The following MARK3 variants were observed in gnomAD, a reference collection of about 807,000 sequenced individuals.
The protein encoded by MARK3 is MAP/microtubule affinity-regulating kinase 3.
In MARK3, 46 loss-of-function variants were observed where a neutral mutation model predicts 90.1. That is an observed-to-expected ratio of 0.51 (90% CI 0.40 to 0.65). The LOEUF is 0.65. Ranked by LOEUF, MARK3 falls within the 30% of genes least tolerant of loss-of-function variation. The probability of loss-of-function intolerance (pLI) is 0.00; values close to 1 mark genes in which losing one functional copy is unlikely to be tolerated. For synonymous variants in MARK3, 321 were observed against 332.6 expected (o/e 0.97, Z 0.38); for missense variants, 818 against 947.2 (o/e 0.86, Z 1.79).
At chr14:103,478,004 A>AAAAAC (rs1406662983) in intron 13 of MARK3, among the ~76,000 whole-genome samples, 5 of 150,346 alleles carry the variant, frequency 3.3e-5, no homozygotes, top group Non-Finnish European at 7.4e-5. Flanking sequence ...GTCCTTAAAA[A>AAAAAC]AAAAAAAAGT....
chr14:103,446,523 AAAAT>A lies in MARK3; in HGVS notation c.298-2384_298-2381del, dbSNP rs532978442. ...GGCATCAGAGTAAGACTCCGTCTCA[AAAAT>A]AAATAAATAAACAAACAGTATGTTC... On this transcript the variant is annotated intron_variant, in intron 3 of 17. Transcript: ENST00000429436. Among the ~76,000 whole-genome samples, 28 of 152,188 alleles carry A rather than the reference AAAAT, an allele frequency of 1.8e-4. 1 individual carries two copies. In the South Asian group the frequency reaches 4.1e-3, roughly 23 times the overall value.
intron 16 of MARK3, 189 bp downstream of exon 16, chr14:103,498,717 G>T: frequency 2.4e-6 from 1 of 414,026 alleles, no homozygotes. Flanking sequence ...ATTTTAAAGG[G>T]ACTATGGTAC....
intron 1 of MARK3, among the ~76,000 whole-genome samples, chr14:103,402,275 G>A (rs766962119): frequency 2.0e-5 from 3 of 152,104 alleles, no homozygotes; most frequent in African/African-American, 4.8e-5. Flanking sequence ...TTTCCTGGCC[G>A]AGCGCGGTGG....
intron 12 of MARK3, among the ~76,000 whole-genome samples, chr14:103,470,551 G>A (rs1191558991): frequency 7.4e-6 from 1 of 135,630 alleles, no homozygotes; most frequent in Non-Finnish European, 1.5e-5. Flanking sequence ...CGCCTCCTGG[G>A]TTCTAGCAAT....
At chr14:103,416,025 G>A (rs1156274979) in intron 2 of MARK3, among the ~76,000 whole-genome samples, 1 of 152,098 alleles carries the variant, frequency 6.6e-6, no homozygotes, top group Non-Finnish European at 1.5e-5. Flanking sequence ...AATTACGACT[G>A]TGTAAGTATT....
At chr14:103,430,435 C>T (rs1211836884) in intron 3 of MARK3, among the ~76,000 whole-genome samples, 1 of 150,618 alleles carries the variant, frequency 6.6e-6, no homozygotes, top group East Asian at 1.9e-4. Context: ...TTTGTCAGCC[C>T]CCTTTGCAGT....
intron 2 of MARK3, among the ~76,000 whole-genome samples, chr14:103,420,864 C>T (rs145276631): frequency 8.4e-4 from 128 of 152,178 alleles, no homozygotes; most frequent in African/African-American, 3.0e-3. Flanking sequence ...AGTCTTTGTG[C>T]CGTAAACCAG....
intron 1 of MARK3, among the ~76,000 whole-genome samples, chr14:103,401,506 T>C (rs1410075537): frequency 1.3e-5 from 2 of 152,160 alleles, no homozygotes; most frequent in African/African-American, 4.8e-5. Context: ...TGGAAACTGA[T>C]CTCCATGTCC....
chr14:103,409,296 G>A (rs1480060958), intron 2 of MARK3, among the ~76,000 whole-genome samples: 3 of 151,862 alleles, frequency 2.0e-5, no homozygotes, highest in Admixed American at 6.6e-5. Context: ...AGGGCCTGTC[G>A]GGGTGAGGGG....
chr14:103,388,897 C>A (rs990967542), intron 1 of MARK3, among the ~76,000 whole-genome samples: 3 of 152,076 alleles, frequency 2.0e-5, no homozygotes, highest in African/African-American at 7.2e-5. Flanking sequence ...GGATGTGCCA[C>A]AATTTTTTTT....
chr14:103,459,512 GT>G, intron 6 of MARK3, among the ~76,000 whole-genome samples: 1 of 151,568 alleles, frequency 6.6e-6, no homozygotes, highest in Non-Finnish European at 1.5e-5. Context: ...TTGTTTTTTC[GT>G]TTTTGAGATG....
rs1321894359 is a variant in MARK3 at position 103,423,096 on chromosome 14, A to T, written c.244-5291A>T. Among the ~76,000 whole-genome samples, 5 of 151,804 alleles carry T rather than the reference A, an allele frequency of 3.3e-5. No homozygotes were observed. In the East Asian group the frequency reaches 5.8e-4, roughly 18 times the overall value. On this transcript the variant is annotated intron_variant, in intron 2 of 17. Coordinates refer to ENST00000429436, the MANE Select transcript of MARK3 (RefSeq NM_001128918.3). ...TCCCCTCCAGAACTGTGAGAAAATA[A>T]ATTACTGTTAAGTCCCCCAGTGTGT...
intron 3 of MARK3, 25 bp downstream of exon 3, chr14:103,428,465 C>G: frequency 1.4e-6 from 2 of 1,418,584 alleles, no homozygotes; most frequent in Non-Finnish European, 1.9e-6. Context: ...ATGTCTAGTA[C>G]TTTTTAAAAA....
intron 2 of MARK3, among the ~76,000 whole-genome samples, chr14:103,410,996 CG>C (rs1228125348): frequency 6.6e-6 from 1 of 152,126 alleles, no homozygotes; most frequent in Non-Finnish European, 1.5e-5. Flanking sequence ...TTCTATAGGC[CG>C]GGTGCAGTGG....
At chr14:103,474,045 ATATATAC>A (rs1566909782) in intron 12 of MARK3, among the ~76,000 whole-genome samples, 2 of 73,868 alleles carry the variant, frequency 2.7e-5, no homozygotes, top group African/African-American at 4.6e-5. Context: ...AAAAAAAAAA[ATATATAC>A]AAAAAAAAAA....
At chr14:103,428,253 TA>T in intron 2 of MARK3, 133 bp from the exon 3 acceptor site, 1 of 544,064 alleles carries the variant, frequency 1.8e-6, no homozygotes, top group Middle Eastern at 3.1e-4. Context: ...TTGCTTATTG[TA>T]ACCAGCTGAG....
intron 6 of MARK3, among the ~76,000 whole-genome samples, chr14:103,461,425 C>G (rs2093398229): frequency 6.6e-6 from 1 of 152,160 alleles, no homozygotes; most frequent in Non-Finnish European, 1.5e-5. Flanking sequence ...TAATCATAGG[C>G]ATGACTGCAA....
intron 14 of MARK3, among the ~76,000 whole-genome samples, chr14:103,482,349 C>T (rs1044200250): frequency 1.3e-5 from 2 of 151,652 alleles, no homozygotes; most frequent in Non-Finnish European, 2.9e-5. Context: ...GGTGAAACCC[C>T]GTCTCTACTA....
intron 1 of MARK3, among the ~76,000 whole-genome samples, chr14:103,403,529 G>A (rs2091098722): frequency 6.6e-6 from 1 of 152,040 alleles, no homozygotes; most frequent in African/African-American, 2.4e-5. Context: ...TGTACCAACT[G>A]CTGTTCTAAG....
Sources: allele counts gnomAD v4.1 joint callset (sites outside exome capture counted in the v4.1 genomes callset), GRCh38; gene constraint gnomAD v4.1.1; transcripts MANE v1.5; gene names NCBI Gene and HGNC (gene_info 2026-07-23, HGNC 2026-07-21).